Variants in ZNF521 observed in about 807,000 individuals in gnomAD.
ZNF521 encodes the protein LYST-interacting protein 3.
In ZNF521, 14 loss-of-function variants were observed where a neutral mutation model predicts 105.5. That is an observed-to-expected ratio of 0.13 (90% CI 0.09 to 0.21). The LOEUF (loss-of-function observed/expected upper bound fraction) is 0.21, where lower values mean the gene tolerates loss of function less well. Ranked by LOEUF, ZNF521 falls within the 10% of genes least tolerant of loss-of-function variation. The pLI is 1.00. For synonymous variants in ZNF521, 635 were observed against 606.0 expected (o/e 1.05, Z -0.70); for missense variants, 1,233 against 1,629.7 (o/e 0.76, Z 4.19).
chr18:25,293,197 A>G (rs1206624167), intron 3 of ZNF521, among the ~76,000 whole-genome samples: 2 of 152,222 alleles, frequency 1.3e-5, no homozygotes, highest in Non-Finnish European at 2.9e-5. Flanking sequence ...AAGAAAAATC[A>G]TACATATGAT....
At chr18:25,159,247 C>A (rs2035204913) in intron 5 of ZNF521, among the ~76,000 whole-genome samples, 1 of 152,200 alleles carries the variant, frequency 6.6e-6, no homozygotes, top group Admixed American at 6.5e-5. Flanking sequence ...GGGGTGTATT[C>A]TACAAAGTGA....
intron 7 of ZNF521, among the ~76,000 whole-genome samples, chr18:25,071,343 T>G (rs1418946869): frequency 6.6e-6 from 1 of 152,212 alleles, no homozygotes; most frequent in Non-Finnish European, 1.5e-5. Flanking sequence ...GTGTTCATTC[T>G]TTTAGTGACT....
Position 25,125,730 on chromosome 18 carries a change from T to A in ZNF521, c.3659-33649A>T, listed in dbSNP as rs2034527607. On this transcript the variant is annotated intron_variant, in intron 5 of 7. Transcript: ENST00000361524. ...ATTTAGTTTTCAAAACTGCTTTTTT[T>A]TTTTTTTAAATACTATAAGCAGAAA... Among the ~76,000 whole-genome samples the A allele has an allele frequency of 5.9e-5, 9 of 152,072 alleles. No homozygotes were observed. The South Asian group carries it at 1.9e-3, about 32-fold the overall frequency.
At chr18:25,191,854 A>G (rs1282273942) in intron 5 of ZNF521, among the ~76,000 whole-genome samples, 2 of 152,204 alleles carry the variant, frequency 1.3e-5, no homozygotes, top group Admixed American at 1.3e-4. Flanking sequence ...AATAATAATA[A>G]TAACAGACAG....
chr18:25,197,105 G>A (rs2035915340), intron 4 of ZNF521, among the ~76,000 whole-genome samples: 3 of 151,732 alleles, frequency 2.0e-5, no homozygotes, highest in African/African-American at 7.2e-5. Flanking sequence ...TCTTCAAAAT[G>A]AACTGACACA....
At chr18:25,291,742 A>G (rs959285652) in intron 3 of ZNF521, among the ~76,000 whole-genome samples, 1 of 152,172 alleles carries the variant, frequency 6.6e-6, no homozygotes, top group African/African-American at 2.4e-5. Context: ...TATATTTGCA[A>G]TTATTTATAC....
At chr18:25,173,330 A>C (rs1280501563) in intron 5 of ZNF521, among the ~76,000 whole-genome samples, 2 of 152,188 alleles carry the variant, frequency 1.3e-5, no homozygotes, top group African/African-American at 4.8e-5. Flanking sequence ...ATCCTCACAC[A>C]TTATTTGAAC....
intron 5 of ZNF521, among the ~76,000 whole-genome samples, chr18:25,157,210 T>A (rs1248560684): frequency 6.6e-6 from 1 of 151,234 alleles, no homozygotes. Context: ...AAAATAAAAA[T>A]AAAAAAAAGC....
intron 3 of ZNF521, among the ~76,000 whole-genome samples, chr18:25,281,025 C>A (rs1910342981): frequency 6.6e-6 from 1 of 152,092 alleles, no homozygotes; most frequent in East Asian, 1.9e-4. Context: ...CCTGTCTTGC[C>A]CTCATTTTCT....
chr18:25,208,612 G>GA (rs1451001525), intron 4 of ZNF521, among the ~76,000 whole-genome samples: 1 of 144,132 alleles, frequency 6.9e-6, no homozygotes, highest in Non-Finnish European at 1.5e-5. Flanking sequence ...TCTCTTTTTT[G>GA]AAAAAAATGA....
At chr18:25,151,000 C>T (rs1385640257) in intron 5 of ZNF521, among the ~76,000 whole-genome samples, 4 of 151,574 alleles carry the variant, frequency 2.6e-5, no homozygotes, top group Non-Finnish European at 5.9e-5. Context: ...GTGATCCTCC[C>T]GCCTCAGCCC....
chr18:25,262,132 T>C (rs1260170656), intron 3 of ZNF521, among the ~76,000 whole-genome samples: 1 of 152,192 alleles, frequency 6.6e-6, no homozygotes, highest in African/African-American at 2.4e-5. Context: ...TTATCACTTA[T>C]GTCTTATGTC....
chr18:25,202,605 G>A (rs1046202397), intron 4 of ZNF521: 1 of 152,168 alleles, frequency 6.6e-6, no homozygotes, highest in South Asian at 2.1e-4. Context: ...CTGTTTTCAA[G>A]GACTATAGCA....
intron 5 of ZNF521, among the ~76,000 whole-genome samples, chr18:25,163,447 G>A (rs45491394): frequency 1.8e-4 from 27 of 152,136 alleles, no homozygotes; most frequent in Non-Finnish European, 2.8e-4. Flanking sequence ...TTTTAGCACC[G>A]TGCTATTGGT....
At chr18:25,206,036 C>T (rs2036073429) in intron 4 of ZNF521, among the ~76,000 whole-genome samples, 1 of 151,970 alleles carries the variant, frequency 6.6e-6, no homozygotes, top group African/African-American at 2.4e-5. Flanking sequence ...CAGAGTCTCG[C>T]TCTGTCACAC....
intron 5 of ZNF521, among the ~76,000 whole-genome samples, chr18:25,194,250 T>C (rs1219464694): frequency 6.6e-6 from 1 of 151,702 alleles, no homozygotes; most frequent in Non-Finnish European, 1.5e-5. Flanking sequence ...TATGGTATTA[T>C]GAAATACCAT....
At chr18:25,252,973 A>G (rs1162525358) in intron 3 of ZNF521, among the ~76,000 whole-genome samples, 5 of 152,108 alleles carry the variant, frequency 3.3e-5, no homozygotes, top group Non-Finnish European at 5.9e-5. Flanking sequence ...AACCTTATCC[A>G]TAAGGCAAAC....
intron 3 of ZNF521, among the ~76,000 whole-genome samples, chr18:25,280,421 T>C: frequency 7.0e-6 from 1 of 143,334 alleles, no homozygotes; most frequent in Non-Finnish European, 1.5e-5. Flanking sequence ...TGTAAAAAAT[T>C]AAAAAAAAAA....
chr18:25,238,035 C>A (rs576858887), intron 3 of ZNF521, among the ~76,000 whole-genome samples: 1 of 152,260 alleles, frequency 6.6e-6, no homozygotes, highest in South Asian at 2.1e-4. Context: ...ATGTTATAAT[C>A]TTGTACTAAC....
Sources: allele counts gnomAD v4.1 joint callset (sites outside exome capture counted in the v4.1 genomes callset), GRCh38; gene constraint gnomAD v4.1.1; transcripts MANE v1.5; gene names NCBI Gene and HGNC (gene_info 2026-07-23, HGNC 2026-07-21).